Variants in XRN1 observed in about 807,000 individuals in gnomAD.
XRN1 encodes 5'-3' exoribonuclease 1.
In XRN1, 67 loss-of-function variants were observed where a neutral mutation model predicts 222.3. The ratio of observed to expected loss-of-function variants is 0.30; its 90% confidence interval spans 0.25 to 0.37. The LOEUF is 0.37. Among genes scored for constraint, XRN1 ranks in the 10% least tolerant of loss-of-function variants. The probability of loss-of-function intolerance (pLI) is 1.00; values close to 1 mark genes in which losing one functional copy is unlikely to be tolerated. For synonymous variants in XRN1, 643 were observed against 652.4 expected, an observed-to-expected ratio of 0.99 and a Z score of 0.22; for missense variants, 1,707 against 2,000.2, an observed-to-expected ratio of 0.85 and a Z score of 2.80.
At position 142,429,168 on chromosome 3, in the gene XRN1, GAC is replaced by G. The variant is rs1487802522; in HGVS notation, c.309-2329_309-2328del. Among the ~76,000 whole-genome samples, 138 of 116,400 alleles carry G rather than the reference GAC, an allele frequency of 1.2e-3. 1 individual carries two copies. Among genetic ancestry groups the G allele is most frequent in the African/African-American group, 4.3e-3 (129 of 29,936 alleles). The allele number at this position is 116,400 out of a possible 152,430, so 76.4% of individuals were successfully genotyped here. On this transcript the variant is annotated intron_variant, in intron 2 of 40. Transcript: ENST00000392981. ...TCTTTTTTTTTTTTTTTTTTTTTGA[GAC>G]AGAGTTTCACTCTGTCGCCCAGGCT... is the stretch of plus-strand genomic sequence containing the variant.
At chr3:142,366,078 GA>G in intron 27 of XRN1, among the ~76,000 whole-genome samples, 1 of 152,212 alleles carries the variant, frequency 6.6e-6, no homozygotes, top group South Asian at 2.1e-4. Flanking sequence ...CTAGTTCTGT[GA>G]ACTCACACTT....
chr3:142,335,989 C>T (rs535228996), intron 33 of XRN1, among the ~76,000 whole-genome samples: 22 of 152,112 alleles, frequency 1.4e-4, no homozygotes, highest in East Asian at 1.9e-4. Context: ...TGCTTTAGGA[C>T]GATTAAAATA....
At chr3:142,322,662 C>T (rs913719540) in intron 37 of XRN1, among the ~76,000 whole-genome samples, 6 of 151,548 alleles carry the variant, frequency 4.0e-5, no homozygotes, top group South Asian at 4.2e-4. Flanking sequence ...GCGAACAGAG[C>T]GAGGTTCTGT....
At chr3:142,384,268 T>A (rs1013629969) in intron 21 of XRN1, among the ~76,000 whole-genome samples, 2 of 130,236 alleles carry the variant, frequency 1.5e-5, no homozygotes, top group African/African-American at 3.2e-5. Context: ...CGAGACTCTG[T>A]CTCAAAAAAA....
At chr3:142,312,234 G>C (rs1219112325) in intron 40 of XRN1, among the ~76,000 whole-genome samples, 2 of 152,066 alleles carry the variant, frequency 1.3e-5, no homozygotes, top group African/African-American at 2.4e-5. Flanking sequence ...TCGAGATTGT[G>C]CATGGGCTGC....
At chr3:142,431,833 T>C (rs1444774550) in intron 2 of XRN1, among the ~76,000 whole-genome samples, 2 of 97,086 alleles carry the variant, frequency 2.1e-5, no homozygotes, top group East Asian at 5.2e-4. Flanking sequence ...AAAAATTATA[T>C]ATAATATTAA....
intron 1 of XRN1, chr3:142,435,198 A>G (rs1184194991): frequency 1.3e-5 from 2 of 151,212 alleles, no homozygotes; most frequent in African/African-American, 4.9e-5. Context: ...GATCGCGACC[A>G]TCCTGGCTAA....
At position 142,427,299 on chromosome 3, in the gene XRN1, A is replaced by C. The variant is rs139883273; in HGVS notation, c.309-458T>G. ...AATGAGTGATGATTGTACCCACTGC[A>C]CTCCAGGCTGTGTGACACAGTGAGT... On this transcript the variant is annotated intron_variant, in intron 2 of 40. Coordinates refer to ENST00000392981, the MANE Select transcript of XRN1 (RefSeq NM_001282857.2). Among the ~76,000 whole-genome samples the C allele has an allele frequency of 9.7e-3, 1,477 of 151,994 alleles. 5 individuals carry two copies. Among genetic ancestry groups the C allele is most frequent in the Non-Finnish European group, 0.016 (1,079 of 67,956 alleles).
chr3:142,385,128 C>A (rs1482986092), intron 20 of XRN1, among the ~76,000 whole-genome samples: 5 of 152,054 alleles, frequency 3.3e-5, no homozygotes, highest in Non-Finnish European at 7.4e-5. Context: ...GCATTCCAAC[C>A]CCCCCGGATT....
rs532671463 is a variant in XRN1 at position 142,421,292 on chromosome 3, T to C, written c.1036-139A>G. 6 of 972,336 alleles carry C rather than the reference T, an allele frequency of 6.2e-6. No individual in the cohort carries two copies. In the Admixed American group the frequency reaches 2.0e-4, roughly 33 times the overall value. The allele number at this position is 972,336 out of a possible 1,614,324, so 60.2% of individuals were successfully genotyped here. On this transcript the variant is annotated intron_variant, in intron 9 of 40. Transcript: ENST00000392981. ...TCTTTTATATATATGGGAGACCTCA[T>C]GTGTTACTCTAAAAATACAAATAGA...
chr3:142,415,912 A>G (rs1192980315), intron 13 of XRN1, among the ~76,000 whole-genome samples: 1 of 151,998 alleles, frequency 6.6e-6, no homozygotes, highest in Non-Finnish European at 1.5e-5. Context: ...TGCAGATGGG[A>G]TTTGCTAGAA....
At chr3:142,372,499 G>C (rs1253539832) in intron 25 of XRN1, among the ~76,000 whole-genome samples, 1 of 152,164 alleles carries the variant, frequency 6.6e-6, no homozygotes, top group Admixed American at 6.5e-5. Flanking sequence ...ATCTCAAACT[G>C]GGATGGCCCT....
intron 5 of XRN1, among the ~76,000 whole-genome samples, chr3:142,424,036 G>A (rs1423780533): frequency 6.7e-6 from 1 of 149,770 alleles, no homozygotes; most frequent in Admixed American, 6.6e-5. Context: ...GATAGCCCCA[G>A]TATATGAAAA....
chr3:142,315,342 G>A (rs1013456786), intron 39 of XRN1, among the ~76,000 whole-genome samples: 2 of 151,844 alleles, frequency 1.3e-5, no homozygotes, highest in African/African-American at 4.8e-5. Flanking sequence ...GGGTTTTCTT[G>A]AGATAGGCCT....
At position 142,404,947 on chromosome 3, in the gene XRN1, A is replaced by G; in HGVS notation, c.1843T>C (p.Trp615Arg). The change falls in exon 16 of 41, where the codon TGG becomes CGG. Residue 615 changes from tryptophan to arginine, a missense_variant. Transcript: ENST00000392981. Reference protein sequence around the residue: ...RDTEFIYPSPWPEKFPAIERC... With the variant: ...RDTEFIYPSPRPEKFPAIERC... ...TCTATGGCAGGGAACTTTTCTGGCCATGGAGAAGGATAGATAAACTCTGTG... is the reference window on the plus strand; with the variant it reads ...TCTATGGCAGGGAACTTTTCTGGCCGTGGAGAAGGATAGATAAACTCTGTG... 1 of 1,614,052 alleles carries G rather than the reference A, an allele frequency of 6.2e-7. No individual in the cohort carries two copies. The highest frequency in any genetic ancestry group is 8.5e-7 in the Non-Finnish European group (1 of 1,179,944).
At chr3:142,338,779 A>C (rs895767967) in intron 33 of XRN1, among the ~76,000 whole-genome samples, 2 of 151,948 alleles carry the variant, frequency 1.3e-5, no homozygotes, top group Non-Finnish European at 2.9e-5. Flanking sequence ...TGACTGAAGA[A>C]CCCTTGGGAG....
chr3:142,385,607 TA>T (rs1279277733), intron 20 of XRN1, among the ~76,000 whole-genome samples: 3 of 152,196 alleles, frequency 2.0e-5, no homozygotes, highest in Non-Finnish European at 4.4e-5. Flanking sequence ...ACAGACATTG[TA>T]AAGTCTACAA....
intron 20 of XRN1, among the ~76,000 whole-genome samples, chr3:142,390,495 A>C (rs1214776589): frequency 6.6e-6 from 1 of 152,186 alleles, no homozygotes; most frequent in Non-Finnish European, 1.5e-5. Context: ...GCTTACTTCA[A>C]ACTTTTCTTC....
chr3:142,402,707 G>C (rs1012773111), intron 18 of XRN1, among the ~76,000 whole-genome samples: 9 of 152,068 alleles, frequency 5.9e-5, no homozygotes, highest in African/African-American at 2.2e-4. Context: ...AAACATCCTA[G>C]TGTTACCTTA....
Sources: gnomAD v4.1 joint callset for allele counts (sites outside exome capture counted in the v4.1 genomes callset) on GRCh38, gnomAD v4.1.1 for gene constraint, MANE v1.5 for transcripts, NCBI Gene and HGNC (gene_info 2026-07-23, HGNC 2026-07-21) for gene names.